Variants in RFC1 observed in about 807,000 individuals in gnomAD.
RFC1 encodes the protein A1 140 kDa subunit.
A neutral mutation model predicts 137.4 loss-of-function variants in RFC1; 37 were observed. The observed-to-expected ratio is 0.27, with a 90% CI of 0.21 to 0.35. The LOEUF (loss-of-function observed/expected upper bound fraction) is 0.35. Ranked by LOEUF, RFC1 falls within the 10% of genes least tolerant of loss-of-function variation. The probability of loss-of-function intolerance (pLI) is 1.00; values close to 1 mark genes in which losing one functional copy is unlikely to be tolerated. For missense variants in RFC1, 1,205 were observed against 1,358.5 expected, an observed-to-expected ratio of 0.89 and a Z score of 1.78; for synonymous variants, 429 against 455.7, an observed-to-expected ratio of 0.94 and a Z score of 0.75.
intron 4 of RFC1, among the ~76,000 whole-genome samples, chr4:39,340,154 C>T (rs921314547): frequency 5.3e-5 from 8 of 152,060 alleles, no homozygotes; most frequent in African/African-American, 1.9e-4. Flanking sequence ...GTAAACAAGG[C>T]CATGCTTTTA....
At chr4:39,328,378 A>AC (rs771104260) in intron 4 of RFC1, among the ~76,000 whole-genome samples, 4 of 152,260 alleles carry the variant, frequency 2.6e-5, no homozygotes, top group Non-Finnish European at 5.9e-5. Context: ...GGAAACAGAT[A>AC]TACAAATAAA....
At chr4:39,309,599 A>G (rs1289298970) in intron 12 of RFC1, among the ~76,000 whole-genome samples, 1 of 152,252 alleles carries the variant, frequency 6.6e-6, no homozygotes, top group Non-Finnish European at 1.5e-5. Flanking sequence ...TAATGTCTCC[A>G]TACACACGTG....
chr4:39,310,726 C>A (rs1404315382), intron 12 of RFC1, among the ~76,000 whole-genome samples: 1 of 152,204 alleles, frequency 6.6e-6, no homozygotes, highest in Non-Finnish European at 1.5e-5. Context: ...CTAATACAGG[C>A]TAGGTGTCTG....
chr4:39,303,714 A>C (rs1198841810), intron 15 of RFC1, among the ~76,000 whole-genome samples: 1 of 152,238 alleles, frequency 6.6e-6, no homozygotes, highest in Non-Finnish European at 1.5e-5. Flanking sequence ...TCAGCCTCCC[A>C]AAGTGCTGGG....
intron 3 of RFC1, among the ~76,000 whole-genome samples, chr4:39,344,090 G>C (rs1181720393): frequency 1.3e-5 from 2 of 151,222 alleles, no homozygotes; most frequent in Admixed American, 6.6e-5. Context: ...CTCCAGCCTG[G>C]GTGACAGAGC....
Position 39,366,278 on chromosome 4 carries a change from G to A in RFC1, c.-37C>T. 2.0e-6 allele frequency: 3 copies of A among 1,525,230 alleles called. No individual in the cohort carries two copies. The highest frequency in any genetic ancestry group is 8.8e-7 in the Non-Finnish European group (1 of 1,135,414). The allele number at this position is 1,525,230 out of a possible 1,614,324, so 94.5% of individuals were successfully genotyped here. ...GATGAAGGCGCTGGCTGGCTGGCGG[G>A]TGGGCCGGTTGAGGAATCTGTTATC... On this transcript the variant is annotated 5_prime_UTR_variant, in exon 1 of 25. Coordinates refer to ENST00000349703, the MANE Select transcript of RFC1 (RefSeq NM_002913.5).
In RFC1 at chr4:39,334,009, G is replaced by A. The variant is rs970624351; in HGVS notation, c.332-6253C>T. 4.6e-5 allele frequency among the ~76,000 whole-genome samples: 7 copies of A among 152,128 alleles called. No individual in the cohort carries two copies. The East Asian group carries it at 1.4e-3, about 29-fold the overall frequency. ...AATAAACAGCTCTCTAGGCCCCTAG[G>A]AAGGTACGAGTAACTCTAGTAAAAC... On this transcript the variant is annotated intron_variant, in intron 4 of 24. Transcript: ENST00000349703.
At chr4:39,335,836 G>A (rs550784123) in intron 4 of RFC1, among the ~76,000 whole-genome samples, 62 of 152,302 alleles carry the variant, frequency 4.1e-4, no homozygotes, top group African/African-American at 1.4e-3. Context: ...GTCTCAGTAC[G>A]AAAGCCAAGT....
chr4:39,354,721 C>G (rs1254482227), intron 1 of RFC1, among the ~76,000 whole-genome samples: 2 of 122,092 alleles, frequency 1.6e-5, no homozygotes, highest in African/African-American at 6.5e-5. Context: ...AGTTCAAGTT[C>G]AGCCTGGACA....
intron 2 of RFC1, among the ~76,000 whole-genome samples, chr4:39,350,571 G>C (rs1227158718): frequency 6.6e-6 from 1 of 152,116 alleles, no homozygotes; most frequent in African/African-American, 2.4e-5. Context: ...CCAAAAAACA[G>C]TGGAACATCT....
intron 1 of RFC1, among the ~76,000 whole-genome samples, chr4:39,365,797 C>T (rs1011103136): frequency 1.1e-4 from 16 of 152,210 alleles, no homozygotes; most frequent in African/African-American, 3.9e-4. Flanking sequence ...TAAGGCCCTA[C>T]ACAACATATT....
chr4:39,330,759 T>C (rs1159713535), intron 4 of RFC1, among the ~76,000 whole-genome samples: 1 of 152,244 alleles, frequency 6.6e-6, no homozygotes, highest in African/African-American at 2.4e-5. Flanking sequence ...TCTCTTCAAC[T>C]ATAGTCAATC....
intron 22 of RFC1, among the ~76,000 whole-genome samples, chr4:39,294,049 TAATC>T (rs1432999853): frequency 2.0e-5 from 3 of 152,186 alleles, no homozygotes; most frequent in African/African-American, 7.2e-5. Context: ...ACTGCACAGA[TAATC>T]CAGGAAAATC....
In RFC1 at chr4:39,320,365, A is replaced by G. The variant is rs764164768; in HGVS notation, c.1095+18T>C. ...ACTCCATCTCAAAAAAAAAAAAAAA[A>G]AAAAACAAAGTTCTTACCTCTTTTT... On this transcript the variant is annotated intron_variant, in intron 9 of 24. Transcript: ENST00000349703. 1.3e-6 allele frequency: 2 copies of G among 1,486,278 alleles called. No individual in the cohort carries two copies. The highest frequency in any genetic ancestry group is 1.8e-6 in the Non-Finnish European group (2 of 1,121,334). The allele number at this position is 1,486,278 out of a possible 1,614,324, so 92.1% of individuals were successfully genotyped here.
intron 4 of RFC1, among the ~76,000 whole-genome samples, chr4:39,336,620 G>A (rs1194371792): frequency 6.6e-6 from 1 of 152,220 alleles, no homozygotes; most frequent in Non-Finnish European, 1.5e-5. Context: ...TGTGCATTGC[G>A]GGATGCTTAG....
At chr4:39,358,274 A>G (rs748622680) in intron 1 of RFC1, among the ~76,000 whole-genome samples, 2 of 152,020 alleles carry the variant, frequency 1.3e-5, no homozygotes, top group African/African-American at 2.4e-5. Flanking sequence ...TTCCGTTTCA[A>G]AAAAAAAGAA....
At chr4:39,311,332 T>C in intron 12 of RFC1, 113 bp downstream of exon 12, 1 of 772,812 alleles carries the variant, frequency 1.3e-6, no homozygotes, top group Non-Finnish European at 2.1e-6. Flanking sequence ...CCATTTGTGG[T>C]AGACAGGGAT....
At chr4:39,323,261 G>C in intron 7 of RFC1, 79 bp downstream of exon 7, 1 of 986,190 alleles carries the variant, frequency 1.0e-6, no homozygotes, top group Non-Finnish European at 1.5e-6. Context: ...TCATGTTTTG[G>C]CTAGAGCCTA....
At chr4:39,293,521 A>G (rs1008110853) in intron 22 of RFC1, among the ~76,000 whole-genome samples, 3 of 152,224 alleles carry the variant, frequency 2.0e-5, no homozygotes, top group African/African-American at 7.2e-5. Context: ...TTTTTAAAGA[A>G]GAGAAACGGA....
Sources: allele counts gnomAD v4.1 joint callset (sites outside exome capture counted in the v4.1 genomes callset), GRCh38; gene constraint gnomAD v4.1.1; transcripts MANE v1.5; gene names NCBI Gene and HGNC (gene_info 2026-07-23, HGNC 2026-07-21).